PPP2R2B: variants seen among roughly 807,000 people sequenced by gnomAD.
The protein encoded by PPP2R2B is protein phosphatase 2 regulatory subunit Bbeta.
A neutral mutation model predicts 46.0 loss-of-function variants in PPP2R2B; 5 were observed. The observed-to-expected ratio is 0.11, with a 90% CI of 0.06 to 0.23. The LOEUF (loss-of-function observed/expected upper bound fraction) is 0.23, where lower values mean the gene tolerates loss of function less well. PPP2R2B is among the 10% of genes least tolerant of loss of function. The probability of loss-of-function intolerance (pLI) is 1.00; values close to 1 mark genes in which losing one functional copy is unlikely to be tolerated. For missense variants in PPP2R2B, 367 were observed against 575.0 expected (o/e 0.64, Z 3.70); for synonymous variants, 215 against 206.7 (o/e 1.04, Z -0.34).
chr5:146,701,103 T>C lies in PPP2R2B; in HGVS notation c.110A>G (p.Glu37Gly). 6.2e-7 allele frequency: 1 copy of C among 1,614,098 alleles called. No individual in the cohort carries two copies. Among genetic ancestry groups the C allele is most frequent in the Non-Finnish European group, 8.5e-7 (1 of 1,179,972 alleles). ...ISTVEFNHTG[E>G]LLATGDKGGR... ...CCCCTTGTCCCCTGTCGCTAGTAAT[T>C]CTCCCGTGTGGTTGAATTCTACCGT... Residue 37 changes from glutamate (E) to glycine (G), a missense_variant, in exon 3 of 10, where the codon GAA becomes GGA. By Grantham distance (98) the Glu-to-Gly change is moderately conservative. Coordinates refer to ENST00000394411, the MANE Select transcript of PPP2R2B (RefSeq NM_181675.4).
intron 7 of PPP2R2B, among the ~76,000 whole-genome samples, chr5:146,615,515 T>TAAAAAAA (rs1364774106): frequency 1.4e-5 from 1 of 71,032 alleles, no homozygotes; most frequent in Non-Finnish European, 3.2e-5. Context: ...AAAAAAAAAT[T>TAAAAAAA]AAAAAAAAAA....
At chr5:146,644,234 C>CAAAAA (rs58634387) in intron 6 of PPP2R2B, among the ~76,000 whole-genome samples, 3 of 60,656 alleles carry the variant, frequency 4.9e-5, no homozygotes, top group African/African-American at 6.3e-5. Flanking sequence ...AGGAAAGTTT[C>CAAAAA]AAAAAAAAAA....
chr5:146,746,271 A>G (rs1474287965), intron 2 of PPP2R2B, among the ~76,000 whole-genome samples: 6 of 152,188 alleles, frequency 3.9e-5, no homozygotes, highest in Non-Finnish European at 1.5e-5. Context: ...ACTTTCTTGG[A>G]GAGAGATCCC....
chr5:147,054,912 C>T (rs1034043669), intron 1 of PPP2R2B, among the ~76,000 whole-genome samples: 3 of 152,180 alleles, frequency 2.0e-5, no homozygotes, highest in African/African-American at 7.2e-5. Flanking sequence ...ATACAACCAG[C>T]TTCTGACTAT....
chr5:146,685,549 A>T (rs1224712525), intron 5 of PPP2R2B, among the ~76,000 whole-genome samples: 1 of 152,198 alleles, frequency 6.6e-6, no homozygotes, highest in Admixed American at 6.5e-5. Flanking sequence ...TTTTCAGTCA[A>T]CTTGCCTAAT....
intron 1 of PPP2R2B, among the ~76,000 whole-genome samples, chr5:146,934,502 G>C (rs569433850): frequency 7.0e-6 from 1 of 141,896 alleles, no homozygotes; most frequent in African/African-American, 2.6e-5. Context: ...GTCTGTTCAT[G>C]TCCTTCGCCC....
At chr5:147,010,851 T>C (rs1754692996) in intron 1 of PPP2R2B, among the ~76,000 whole-genome samples, 1 of 152,100 alleles carries the variant, frequency 6.6e-6, no homozygotes, top group Admixed American at 6.6e-5. Flanking sequence ...CCCAACCTAC[T>C]CTACAGCTGC....
chr5:146,604,538 C>A (rs1471453102), intron 7 of PPP2R2B, among the ~76,000 whole-genome samples: 1 of 152,144 alleles, frequency 6.6e-6, no homozygotes, highest in Non-Finnish European at 1.5e-5. Flanking sequence ...TGGTGAGAAA[C>A]CTGATAGCCC....
Position 146,878,749 on chromosome 5 carries a change from G to A in PPP2R2B, c.-283C>T. 7.5e-7 allele frequency: 1 copy of A among 1,336,122 alleles called. No homozygotes were observed. Among genetic ancestry groups the A allele is most frequent in the Non-Finnish European group, 9.9e-7 (1 of 1,014,386 alleles). The allele number at this position is 1,336,122 out of a possible 1,614,324, so 82.8% of individuals were successfully genotyped here. ...CGCAGCTGCTGCTGCTGCTGCTGCTGCTGCTGCTGCAGGAGGCTGGAGGCG... is the reference window on the plus strand; with the variant it reads ...CGCAGCTGCTGCTGCTGCTGCTGCTACTGCTGCTGCAGGAGGCTGGAGGCG... On this transcript the variant is annotated 5_prime_UTR_variant, in exon 1 of 10. Coordinates refer to ENST00000394411, the MANE Select transcript of PPP2R2B (RefSeq NM_181675.4). The surrounding 1 kb of genome is among the most constrained non-coding windows in gnomAD (Gnocchi z 4.5).
intron 1 of PPP2R2B, among the ~76,000 whole-genome samples, chr5:147,026,163 G>T (rs947316302): frequency 1.2e-4 from 19 of 152,030 alleles, no homozygotes; most frequent in African/African-American, 4.6e-4. Context: ...TCCATATAAA[G>T]AATTGTCCAT....
At chr5:146,744,561 C>T (rs1373819079) in intron 2 of PPP2R2B, among the ~76,000 whole-genome samples, 2 of 152,176 alleles carry the variant, frequency 1.3e-5, no homozygotes, top group Non-Finnish European at 2.9e-5. Flanking sequence ...CTCCTACCCT[C>T]ACATGTGTCA....
At chr5:146,653,903 G>A (rs893402170) in intron 5 of PPP2R2B, among the ~76,000 whole-genome samples, 36 of 152,272 alleles carry the variant, frequency 2.4e-4, no homozygotes, top group African/African-American at 8.2e-4. Flanking sequence ...CCAGGCCTAC[G>A]TCAAGGCTTG....
intron 1 of PPP2R2B, among the ~76,000 whole-genome samples, chr5:146,895,910 T>C (rs1762630352): frequency 6.6e-6 from 1 of 152,156 alleles, no homozygotes; most frequent in Admixed American, 6.5e-5. Context: ...TCAAAATATG[T>C]CCTGTCACAG....
At chr5:146,693,237 TAG>T (rs1250954364) in intron 4 of PPP2R2B, among the ~76,000 whole-genome samples, 2 of 151,726 alleles carry the variant, frequency 1.3e-5, no homozygotes, top group African/African-American at 4.9e-5. Context: ...TAAATTGAGA[TAG>T]AGTCTCACTC....
chr5:147,040,054 G>C (rs908524207), intron 1 of PPP2R2B, among the ~76,000 whole-genome samples: 1 of 152,074 alleles, frequency 6.6e-6, no homozygotes, highest in Non-Finnish European at 1.5e-5. Flanking sequence ...CAAGCTTTGA[G>C]AGCCTCACTT....
intron 1 of PPP2R2B, among the ~76,000 whole-genome samples, chr5:146,918,911 C>G (rs184888981): frequency 6.6e-6 from 1 of 152,202 alleles, no homozygotes; most frequent in Non-Finnish European, 1.5e-5. Context: ...TTAAATTGCA[C>G]CTTTTCTGCT....
intron 2 of PPP2R2B, among the ~76,000 whole-genome samples, chr5:147,075,654 T>C (rs531523338): frequency 1.6e-4 from 25 of 152,298 alleles, no homozygotes; most frequent in African/African-American, 5.8e-4. Context: ...GGTTTCCCAG[T>C]GTTAGTAACG....
intron 2 of PPP2R2B, among the ~76,000 whole-genome samples, chr5:146,768,527 G>T (rs1321872600): frequency 6.6e-6 from 1 of 152,054 alleles, no homozygotes; most frequent in Non-Finnish European, 1.5e-5. Context: ...TCCAAATCTG[G>T]TCTCTCCATT....
chr5:147,079,818 G>C (rs1757923040), intron 2 of PPP2R2B, among the ~76,000 whole-genome samples: 1 of 152,078 alleles, frequency 6.6e-6, no homozygotes, highest in African/African-American at 2.4e-5. Context: ...TCTCAAAACA[G>C]CTAGGAGAGA....
Sources: allele counts gnomAD v4.1 joint callset (sites outside exome capture counted in the v4.1 genomes callset), GRCh38; gene constraint gnomAD v4.1.1; non-coding constraint Gnocchi (gnomAD v3.1); transcripts MANE v1.5; gene names NCBI Gene and HGNC (gene_info 2026-07-23, HGNC 2026-07-21).